The following ZMYM4 variants were observed in gnomAD, a reference collection of about 807,000 sequenced individuals.
The protein encoded by ZMYM4 is zinc finger MYM-type protein 4.
A neutral mutation model predicts 183.2 loss-of-function variants in ZMYM4; 31 were observed. The observed-to-expected ratio is 0.17, with a 90% CI of 0.13 to 0.23. ZMYM4 has a LOEUF of 0.23. Ranked by LOEUF, ZMYM4 falls within the 10% of genes least tolerant of loss-of-function variation. ZMYM4 has a pLI of 1.00. For synonymous variants in ZMYM4, 592 were observed against 631.2 expected (o/e 0.94, Z 0.93); for missense variants, 1,273 against 1,840.3 (o/e 0.69, Z 5.64).
intron 2 of ZMYM4, among the ~76,000 whole-genome samples, chr1:35,335,101 A>G (rs1642917279): frequency 6.6e-6 from 1 of 152,186 alleles, no homozygotes; most frequent in Admixed American, 6.5e-5. Context: ...AAAGGTAGCC[A>G]TCATCCTGAA....
intron 1 of ZMYM4, among the ~76,000 whole-genome samples, chr1:35,323,819 G>T (rs753682870): frequency 2.0e-5 from 3 of 151,924 alleles, no homozygotes; most frequent in Admixed American, 2.0e-4. Flanking sequence ...CTCCCAAAGT[G>T]CTGGGATTAC....
intron 2 of ZMYM4, among the ~76,000 whole-genome samples, chr1:35,325,704 A>G (rs1434313874): frequency 6.6e-6 from 1 of 152,064 alleles, no homozygotes; most frequent in Admixed American, 6.6e-5. Flanking sequence ...ACTTGGGTTA[A>G]GGTCTTTTAT....
chr1:35,374,081 G>T (rs1187512670), intron 7 of ZMYM4, among the ~76,000 whole-genome samples: 7 of 135,728 alleles, frequency 5.2e-5, no homozygotes, highest in Non-Finnish European at 1.1e-4. Flanking sequence ...GCCCAGGCTG[G>T]AGTGCAATGG....
chr1:35,369,158 A>G lies in ZMYM4; in HGVS notation c.841-871A>G, dbSNP rs191666639. ...GAGATACTCCAGAATTCCAAGAATA[A>G]GTGATCTTGCAGAGTTTTTGCATGT... On this transcript the variant is annotated intron_variant, in intron 5 of 29. Coordinates refer to ENST00000314607, the MANE Select transcript of ZMYM4 (RefSeq NM_005095.3). Among the ~76,000 whole-genome samples the G allele has an allele frequency of 1.8e-3, 270 of 152,330 alleles. 3 individuals carry two copies. The highest frequency in any genetic ancestry group is 0.015 in the Admixed American group (230 of 15,296).
intron 5 of ZMYM4, among the ~76,000 whole-genome samples, chr1:35,367,300 A>G (rs148731525): frequency 0.019 from 2,813 of 151,532 alleles, 79 homozygotes; most frequent in African/African-American, 0.064. Context: ...GCTCGCTGCA[A>G]CCTCTGCCCT....
chr1:35,362,710 C>CTT (rs903264198), intron 5 of ZMYM4, among the ~76,000 whole-genome samples: 1 of 147,978 alleles, frequency 6.8e-6, no homozygotes, highest in Non-Finnish European at 1.5e-5. Flanking sequence ...TGTTTTTTCT[C>CTT]TTTTTTTTTT....
chr1:35,344,017 A>C (rs1643300646), intron 2 of ZMYM4, among the ~76,000 whole-genome samples: 2 of 151,834 alleles, frequency 1.3e-5, no homozygotes, highest in African/African-American at 4.8e-5. Context: ...TTAACACCTT[A>C]AGTATATATA....
chr1:35,340,932 G>A lies in ZMYM4; in HGVS notation c.85+15527G>A, dbSNP rs368258290. 1.1e-4 allele frequency among the ~76,000 whole-genome samples: 17 copies of A among 152,010 alleles called. No homozygotes were observed. The East Asian group carries it at 1.5e-3, about 14-fold the overall frequency. ...TAATTGGATGTAGGGCAAGGTTGGG[G>A]TCCACTTTTATTCCTTAGATGAGTA... On this transcript the variant is annotated intron_variant, in intron 2 of 29. Transcript: ENST00000314607.
intron 1 of ZMYM4, among the ~76,000 whole-genome samples, chr1:35,297,248 A>G (rs1181773113): frequency 1.3e-5 from 2 of 152,008 alleles, no homozygotes; most frequent in Non-Finnish European, 2.9e-5. Context: ...GAATTCAACT[A>G]ATTTTGTAAT....
intron 2 of ZMYM4, 112 bp from the exon 3 acceptor site, chr1:35,358,813 A>T: frequency 1.2e-6 from 1 of 840,178 alleles, no homozygotes; most frequent in Middle Eastern, 2.7e-4. Flanking sequence ...TACTATGGTA[A>T]TATCTGTATT....
chr1:35,387,389 G>A, intron 12 of ZMYM4, 65 bp from the exon 13 acceptor site: 1 of 1,568,568 alleles, frequency 6.4e-7, no homozygotes, highest in Non-Finnish European at 8.6e-7. Context: ...GAAAGTAAGG[G>A]AGATAAGGAG....
intron 5 of ZMYM4, among the ~76,000 whole-genome samples, chr1:35,365,395 C>G (rs1335204928): frequency 6.6e-6 from 1 of 151,998 alleles, no homozygotes; most frequent in Non-Finnish European, 1.5e-5. Flanking sequence ...GGTCTAAAAA[C>G]TGTACATTCA....
chr1:35,403,798 A>G (rs961478866), intron 23 of ZMYM4, among the ~76,000 whole-genome samples: 2 of 152,164 alleles, frequency 1.3e-5, no homozygotes, highest in African/African-American at 4.8e-5. Flanking sequence ...TTTAACTATG[A>G]TGGAATTTAA....
At chr1:35,301,670 C>T (rs1372518382) in intron 1 of ZMYM4, among the ~76,000 whole-genome samples, 1 of 152,128 alleles carries the variant, frequency 6.6e-6, no homozygotes, top group Non-Finnish European at 1.5e-5. Flanking sequence ...CACTGGCCTC[C>T]ATGGTTTCTT....
intron 28 of ZMYM4, among the ~76,000 whole-genome samples, chr1:35,418,008 CAAA>C (rs200926725): frequency 7.5e-6 from 1 of 132,700 alleles, no homozygotes; most frequent in Admixed American, 7.5e-5. Context: ...AGTTCCGTCT[CAAA>C]AAAAAAAAAA....
chr1:35,346,624 C>G (rs1332605810), intron 2 of ZMYM4, among the ~76,000 whole-genome samples: 1 of 133,954 alleles, frequency 7.5e-6, no homozygotes, highest in Non-Finnish European at 1.5e-5. Context: ...GTACTCCAGC[C>G]TGGGTCACAA....
In ZMYM4 at chr1:35,354,298, C is replaced by G. The variant is rs557189469; in HGVS notation, c.86-4627C>G. On this transcript the variant is annotated intron_variant, in intron 2 of 29. Coordinates refer to ENST00000314607, the MANE Select transcript of ZMYM4 (RefSeq NM_005095.3). ...TTCTCTTTAACAGCTATATAATATTCCATTAGAGGTATGTACTATAATTAA... is the reference window on the plus strand; with the variant it reads ...TTCTCTTTAACAGCTATATAATATTGCATTAGAGGTATGTACTATAATTAA... Among the ~76,000 whole-genome samples the G allele has an allele frequency of 2.6e-5, 4 of 152,248 alleles. No individual in the cohort carries two copies. The East Asian group carries it at 7.7e-4, about 29-fold the overall frequency.
At chr1:35,296,201 A>G (rs1217244878) in intron 1 of ZMYM4, among the ~76,000 whole-genome samples, 1 of 152,152 alleles carries the variant, frequency 6.6e-6, no homozygotes, top group Admixed American at 6.5e-5. Context: ...TTCTCAGGAA[A>G]TGTAGTTGGG....
intron 26 of ZMYM4, among the ~76,000 whole-genome samples, chr1:35,410,314 G>T (rs114232482): frequency 0.029 from 4,438 of 152,070 alleles, 92 homozygotes; most frequent in Non-Finnish European, 0.043. Flanking sequence ...TAATTGAATT[G>T]TCTTTTTGTC....
Sources: gnomAD v4.1 joint callset for allele counts (sites outside exome capture counted in the v4.1 genomes callset) on GRCh38, gnomAD v4.1.1 for gene constraint, MANE v1.5 for transcripts, NCBI Gene and HGNC (gene_info 2026-07-23, HGNC 2026-07-21) for gene names.